NSD1: variants seen among roughly 807,000 people sequenced by gnomAD.
NSD1 encodes the protein nuclear receptor binding SET domain protein 1, also known as histone-lysine N-methyltransferase, H3 lysine-36 specific.
In NSD1, 26 loss-of-function variants were observed where a neutral mutation model predicts 242.7. That is an observed-to-expected ratio of 0.11 (90% CI 0.08 to 0.15). NSD1 has a LOEUF of 0.15. Among genes scored for constraint, NSD1 ranks in the 10% least tolerant of loss-of-function variants. NSD1 has a pLI of 1.00. For missense variants in NSD1, 2,495 were observed against 3,272.8 expected (o/e 0.76, Z 5.80); for synonymous variants, 1,106 against 1,178.1 (o/e 0.94, Z 1.25).
At chr5:177,218,913 T>C (rs1764017443) in intron 5 of NSD1, among the ~76,000 whole-genome samples, 1 of 151,776 alleles carries the variant, frequency 6.6e-6, no homozygotes. Flanking sequence ...GAGCCGTATG[T>C]TTCTTTTAAT....
chr5:177,213,250 CATA>C (rs1356941551), intron 5 of NSD1, among the ~76,000 whole-genome samples: 1 of 152,146 alleles, frequency 6.6e-6, no homozygotes, highest in Non-Finnish European at 1.5e-5. Context: ...TATCCATTAA[CATA>C]AGATTCTCAA....
intron 20 of NSD1, among the ~76,000 whole-genome samples, chr5:177,285,926 C>T (rs569512773): frequency 6.4e-4 from 98 of 152,232 alleles, no homozygotes; most frequent in Non-Finnish European, 1.0e-3. Context: ...AACGGAGTCT[C>T]GCTCTGTTGC....
In NSD1 at chr5:177,257,059, C is replaced by T; in HGVS notation, c.4874C>T (p.Pro1625Leu). Residue 1625 changes from proline (P) to leucine (L), a missense_variant, in exon 13 of 23, where the codon CCC becomes CTC. Coordinates refer to ENST00000439151, the MANE Select transcript of NSD1 (RefSeq NM_022455.5). ...YHEECVQKYPPTVMQNKGFRC... is the reference protein window; with the variant it reads ...YHEECVQKYPLTVMQNKGFRC... Reference sequence around the variant, plus strand: ...GAAGAGTGTGTCCAGAAGTACCCACCCACTGTTATGCAGAACAAGGGCTTC... The same window carrying T: ...GAAGAGTGTGTCCAGAAGTACCCACTCACTGTTATGCAGAACAAGGGCTTC... The T allele has an allele frequency of 6.2e-7, 1 of 1,613,944 alleles. No individual in the cohort carries two copies. The highest frequency in any genetic ancestry group is 8.5e-7 in the Non-Finnish European group (1 of 1,179,898).
intron 3 of NSD1, among the ~76,000 whole-genome samples, chr5:177,195,765 C>T (rs1762063610): frequency 6.6e-6 from 1 of 152,158 alleles, no homozygotes; most frequent in Non-Finnish European, 1.5e-5. Context: ...CTACCGCACT[C>T]AGCCTATTTA....
intron 2 of NSD1, among the ~76,000 whole-genome samples, chr5:177,182,321 G>A (rs919157930): frequency 6.6e-6 from 1 of 152,082 alleles, no homozygotes; most frequent in Non-Finnish European, 1.5e-5. Flanking sequence ...CTCTGTCTCA[G>A]CAAAAACAAA....
chr5:177,295,209 A>G lies in NSD1; in HGVS notation c.7841A>G (p.Glu2614Gly). 1 of 1,614,218 alleles carries G rather than the reference A, an allele frequency of 6.2e-7. No individual in the cohort carries two copies. Among genetic ancestry groups the G allele is most frequent in the Non-Finnish European group, 8.5e-7 (1 of 1,180,032 alleles). Reference sequence around the variant, plus strand: ...GCCCCAGCCTCCCTCCCCACTGAAGAAAAGAAGTTGGTAACCACAGAGCAA... The same window carrying G: ...GCCCCAGCCTCCCTCCCCACTGAAGGAAAGAAGTTGGTAACCACAGAGCAA... ...GKAPASLPTE[E>G]KKLVTTEQSP... The change falls in exon 23 of 23, where the codon GAA becomes GGA. Residue 2614 changes from glutamate (E) to glycine (G), a missense_variant. Coordinates refer to ENST00000439151, the MANE Select transcript of NSD1 (RefSeq NM_022455.5). This position sits in a 1 kb window ranked among gnomAD's most constrained non-coding sequence, Gnocchi z 4.3.
intron 5 of NSD1, among the ~76,000 whole-genome samples, chr5:177,219,495 A>AT (rs777923710): frequency 2.0e-5 from 3 of 152,094 alleles, no homozygotes; most frequent in Non-Finnish European, 4.4e-5. Context: ...CTGTCAAAAG[A>AT]TATTTTCAAA....
At chr5:177,205,696 C>T (rs1268435952) in intron 4 of NSD1, among the ~76,000 whole-genome samples, 1 of 152,028 alleles carries the variant, frequency 6.6e-6, no homozygotes, top group East Asian at 1.9e-4. Flanking sequence ...GTCCTTCTCC[C>T]ATCACTGTCA....
At chr5:177,263,122 C>A in intron 14 of NSD1, among the ~76,000 whole-genome samples, 1 of 152,246 alleles carries the variant, frequency 6.6e-6, no homozygotes, top group East Asian at 1.9e-4. Context: ...TGTACCCCCA[C>A]CACCTTAGGC....
intron 2 of NSD1, among the ~76,000 whole-genome samples, chr5:177,171,811 C>T (rs1349767442): frequency 6.6e-6 from 1 of 152,206 alleles, no homozygotes; most frequent in Non-Finnish European, 1.5e-5. Flanking sequence ...GTTGAATGAT[C>T]TTCCATCTTG....
intron 2 of NSD1, among the ~76,000 whole-genome samples, chr5:177,160,105 G>A (rs1011026081): frequency 6.6e-6 from 1 of 151,766 alleles, no homozygotes; most frequent in Non-Finnish European, 1.5e-5. Flanking sequence ...TGGCCAGGCT[G>A]ATCTTGAACT....
chr5:177,234,464 C>A (rs1765289931), intron 5 of NSD1, among the ~76,000 whole-genome samples: 1 of 152,194 alleles, frequency 6.6e-6, no homozygotes, highest in South Asian at 2.1e-4. Context: ...AGCCTGTAAT[C>A]CCAGCACTTT....
intron 13 of NSD1, 135 bp from the exon 14 acceptor site, chr5:177,259,854 T>A (rs1198633174): frequency 2.2e-6 from 2 of 927,496 alleles, no homozygotes; most frequent in African/African-American, 3.3e-5. Flanking sequence ...GTGTTTAAGA[T>A]CCATCATCTT....
At position 177,141,045 on chromosome 5, in the gene NSD1, CAG is replaced by C. The variant is rs1312406183; in HGVS notation, c.927+5018_927+5019del. Among the ~76,000 whole-genome samples, 4 of 152,074 alleles carry C rather than the reference CAG, an allele frequency of 2.6e-5. No homozygotes were observed. In the South Asian group the frequency reaches 8.3e-4, roughly 31 times the overall value. ...GTTTGTTTTTGTTTTTGTTTTGAGA[CAG>C]AGTCTCACTCTGTCACCCAGGCTGG... On this transcript the variant is annotated intron_variant, in intron 2 of 22. Coordinates refer to ENST00000439151, the MANE Select transcript of NSD1 (RefSeq NM_022455.5).
chr5:177,165,005 A>C (rs1173398126), intron 2 of NSD1, among the ~76,000 whole-genome samples: 1 of 151,752 alleles, frequency 6.6e-6, no homozygotes, highest in Non-Finnish European at 1.5e-5. Context: ...ATTGGCTTAC[A>C]CTTGTAATTC....
intron 16 of NSD1, among the ~76,000 whole-genome samples, chr5:177,272,451 TG>T (rs762138764): frequency 6.6e-6 from 1 of 151,930 alleles, no homozygotes; most frequent in Non-Finnish European, 1.5e-5. Flanking sequence ...TTGACAGACT[TG>T]GGGAAAGGCA....
intron 12 of NSD1, among the ~76,000 whole-genome samples, chr5:177,254,503 G>A (rs1263838361): frequency 2.6e-5 from 4 of 152,014 alleles, no homozygotes; most frequent in East Asian, 3.9e-4. Context: ...GGGTTCAAGC[G>A]ATTCTTGTGC....
At chr5:177,152,522 A>G (rs1345228942) in intron 2 of NSD1, among the ~76,000 whole-genome samples, 1 of 118,840 alleles carries the variant, frequency 8.4e-6, no homozygotes, top group Non-Finnish European at 1.6e-5. Context: ...CTCTGTCGCC[A>G]GGTTCACTGC....
At chr5:177,277,128 A>ATT (rs201507053) in intron 17 of NSD1, among the ~76,000 whole-genome samples, 1 of 137,864 alleles carries the variant, frequency 7.3e-6, no homozygotes. Flanking sequence ...TCTTTACTCC[A>ATT]TTTTTTTTTT....
Sources: gnomAD v4.1 joint callset for allele counts (sites outside exome capture counted in the v4.1 genomes callset) on GRCh38, gnomAD v4.1.1 for gene constraint, Gnocchi (gnomAD v3.1) non-coding constraint, MANE v1.5 for transcripts, NCBI Gene and HGNC (gene_info 2026-07-23, HGNC 2026-07-21) for gene names.